The following ZBTB16 variants were observed in gnomAD, a reference collection of about 807,000 sequenced individuals.
ZBTB16 encodes zinc finger and BTB domain-containing protein 16.
A neutral mutation model predicts 56.8 loss-of-function variants in ZBTB16; 8 were observed. That is an observed-to-expected ratio of 0.14 (90% CI 0.08 to 0.25). The LOEUF (loss-of-function observed/expected upper bound fraction) is 0.25, where lower values mean the gene tolerates loss of function less well. Ranked by LOEUF, ZBTB16 falls within the 10% of genes least tolerant of loss-of-function variation. The pLI is 1.00. For missense variants in ZBTB16, 625 were observed against 903.0 expected (o/e 0.69, Z 3.95); for synonymous variants, 363 against 368.5 (o/e 0.98, Z 0.17).
chr11:114,074,914 C>T (rs577155933), intron 2 of ZBTB16, among the ~76,000 whole-genome samples: 2 of 152,280 alleles, frequency 1.3e-5, no homozygotes, highest in South Asian at 4.1e-4. Context: ...ATGTTGCAGC[C>T]TTGAACTTTT....
intron 4 of ZBTB16, 156 bp downstream of exon 4, chr11:114,187,194 A>G (rs1347486401): frequency 2.7e-6 from 2 of 742,144 alleles, no homozygotes; most frequent in Middle Eastern, 2.4e-4. Flanking sequence ...ACGTTCAGCT[A>G]CTCTTGTCTG....
chr11:114,201,510 G>A (rs532047585), intron 4 of ZBTB16, among the ~76,000 whole-genome samples: 2 of 152,188 alleles, frequency 1.3e-5, no homozygotes, highest in Non-Finnish European at 2.9e-5. Flanking sequence ...TTTCATCCCC[G>A]ACTTTGGCCT....
At chr11:114,083,490 T>C (rs1939850583) in intron 2 of ZBTB16, among the ~76,000 whole-genome samples, 1 of 152,040 alleles carries the variant, frequency 6.6e-6, no homozygotes, top group African/African-American at 2.4e-5. Context: ...AGAACATATA[T>C]TGTACTTCAG....
At chr11:114,210,162 AGTGTGTG>A (rs1364047625) in intron 4 of ZBTB16, among the ~76,000 whole-genome samples, 1 of 134,642 alleles carries the variant, frequency 7.4e-6, no homozygotes, top group African/African-American at 2.8e-5. Context: ...AGCCAAAGCT[AGTGTGTG>A]TGTGTGTGTG....
At chr11:114,082,733 CG>C (rs371061580) in intron 2 of ZBTB16, among the ~76,000 whole-genome samples, 13 of 152,150 alleles carry the variant, frequency 8.5e-5, no homozygotes, top group African/African-American at 2.9e-4. Context: ...TGCCACCTCT[CG>C]GTGGGCGGGG....
chr11:114,120,435 C>A (rs531163989), intron 2 of ZBTB16, among the ~76,000 whole-genome samples: 2 of 152,222 alleles, frequency 1.3e-5, no homozygotes, highest in Non-Finnish European at 2.9e-5. Context: ...CCCTTCACCT[C>A]TTCTACTGTT....
At chr11:114,201,549 T>C (rs1355061912) in intron 4 of ZBTB16, among the ~76,000 whole-genome samples, 1 of 152,194 alleles carries the variant, frequency 6.6e-6, no homozygotes, top group Non-Finnish European at 1.5e-5. Context: ...AAGCTTTCCT[T>C]AGGGATGCTG....
At chr11:114,088,917 G>C (rs775090934) in intron 2 of ZBTB16, among the ~76,000 whole-genome samples, 42 of 152,058 alleles carry the variant, frequency 2.8e-4, no homozygotes, top group Admixed American at 5.2e-4. Flanking sequence ...TGGCCTGGGG[G>C]CCCCCCCACA....
At chr11:114,197,224 A>C (rs1302464071) in intron 4 of ZBTB16, among the ~76,000 whole-genome samples, 1 of 152,106 alleles carries the variant, frequency 6.6e-6, no homozygotes, top group Non-Finnish European at 1.5e-5. Flanking sequence ...CCAGATGCAA[A>C]TGTTGAGATG....
chr11:114,087,853 GC>G (rs1265491266), intron 2 of ZBTB16, among the ~76,000 whole-genome samples: 1 of 152,054 alleles, frequency 6.6e-6, no homozygotes, highest in African/African-American at 2.4e-5. Context: ...ACCCCTGAAG[GC>G]AGGGACCATC....
At chr11:114,073,136 CA>C (rs951316573) in intron 2 of ZBTB16, among the ~76,000 whole-genome samples, 1 of 151,488 alleles carries the variant, frequency 6.6e-6, no homozygotes, top group Admixed American at 6.6e-5. Flanking sequence ...GCTGGGTGAC[CA>C]GGGGGCTCAT....
At chr11:114,174,914 A>G (rs1177786367) in intron 3 of ZBTB16, among the ~76,000 whole-genome samples, 1 of 152,200 alleles carries the variant, frequency 6.6e-6, no homozygotes, top group Non-Finnish European at 1.5e-5. Context: ...AAGGCTGTCT[A>G]AGCTGGGCCC....
At chr11:114,079,711 G>A (rs939702032) in intron 2 of ZBTB16, among the ~76,000 whole-genome samples, 3 of 152,202 alleles carry the variant, frequency 2.0e-5, no homozygotes, top group Admixed American at 6.5e-5. Flanking sequence ...AAGCACTGTC[G>A]GCTGCTGTGT....
intron 4 of ZBTB16, among the ~76,000 whole-genome samples, chr11:114,233,079 G>A (rs4997815): frequency 8.9e-4 from 48 of 53,768 alleles, no homozygotes; most frequent in East Asian, 7.5e-3. Context: ...GCGCGCGCGC[G>A]CGCACACACA....
chr11:114,190,979 G>A (rs967222863), intron 4 of ZBTB16, among the ~76,000 whole-genome samples: 5 of 152,184 alleles, frequency 3.3e-5, no homozygotes, highest in Non-Finnish European at 2.9e-5. Flanking sequence ...GGAAGGCAAA[G>A]GGGGTGCAGG....
chr11:114,082,099 T>C (rs1939784533), intron 2 of ZBTB16, among the ~76,000 whole-genome samples: 2 of 122,828 alleles, frequency 1.6e-5, no homozygotes, highest in African/African-American at 3.2e-5. Context: ...TTGGGCAATA[T>C]AGCGAGACGA....
At chr11:114,204,179 A>T (rs376491081) in intron 4 of ZBTB16, among the ~76,000 whole-genome samples, 1 of 147,472 alleles carries the variant, frequency 6.8e-6, no homozygotes. Context: ...TCTGAGACAC[A>T]GTCTTGCTTT....
At chr11:114,237,223 G>A (rs1165227058) in intron 4 of ZBTB16, 1 of 152,258 alleles carries the variant, frequency 6.6e-6, no homozygotes, top group East Asian at 1.9e-4. Flanking sequence ...CATTGGCTCT[G>A]TGACCACATT....
chr11:114,187,519 C>T (rs572181807), intron 4 of ZBTB16: 18 of 195,076 alleles, frequency 9.2e-5, no homozygotes, highest in African/African-American at 3.3e-4. Context: ...TATTAACTCA[C>T]GATGATAGAG....
Sources: allele counts gnomAD v4.1 joint callset (sites outside exome capture counted in the v4.1 genomes callset), GRCh38; gene constraint gnomAD v4.1.1; transcripts MANE v1.5; gene names NCBI Gene and HGNC (gene_info 2026-07-23, HGNC 2026-07-21).